Variants in KIAA1328 observed in about 807,000 individuals in gnomAD.
KIAA1328 encodes the protein KIAA1328, also known as protein hinderin.
In KIAA1328, 52 loss-of-function variants were observed where a neutral mutation model predicts 68.1. The ratio of observed to expected loss-of-function variants is 0.76; its 90% confidence interval spans 0.61 to 0.96. The LOEUF (loss-of-function observed/expected upper bound fraction) is 0.96, where lower values mean the gene tolerates loss of function less well. Ranked by LOEUF, KIAA1328 falls within the 40% of genes least tolerant of loss-of-function variation. KIAA1328 has a pLI of 0.00. For missense variants in KIAA1328, 641 were observed against 677.6 expected, an observed-to-expected ratio of 0.95 and a Z score of 0.60; for synonymous variants, 232 against 239.4, an observed-to-expected ratio of 0.97 and a Z score of 0.28.
At chr18:36,997,012 T>C in intron 6 of KIAA1328, among the ~76,000 whole-genome samples, 1 of 152,174 alleles carries the variant, frequency 6.6e-6, no homozygotes, top group Non-Finnish European at 1.5e-5. Flanking sequence ...GAAGCTACTG[T>C]GACGTTTCTG....
intron 7 of KIAA1328, among the ~76,000 whole-genome samples, chr18:37,130,352 G>A (rs1299833518): frequency 6.6e-6 from 1 of 152,164 alleles, no homozygotes; most frequent in Non-Finnish European, 1.5e-5. Context: ...GGGCACGGTG[G>A]CTCACGCCTG....
chr18:36,989,621 G>A (rs939862811), intron 6 of KIAA1328, among the ~76,000 whole-genome samples: 1 of 152,188 alleles, frequency 6.6e-6, no homozygotes, highest in Non-Finnish European at 1.5e-5. Context: ...TTTTAGTCGT[G>A]TGCCCATGAG....
At chr18:36,964,064 AG>A (rs1289260573) in intron 6 of KIAA1328, among the ~76,000 whole-genome samples, 1 of 152,236 alleles carries the variant, frequency 6.6e-6, no homozygotes, top group African/African-American at 2.4e-5. Flanking sequence ...TACAGCTAAC[AG>A]GTTGGCAAAG....
chr18:36,895,891 C>T, intron 5 of KIAA1328: 1 of 403,248 alleles, frequency 2.5e-6, no homozygotes, highest in Non-Finnish European at 5.0e-6. Context: ...TGTGTGAGGC[C>T]ACAGCAAGAA....
intron 8 of KIAA1328, among the ~76,000 whole-genome samples, chr18:37,164,679 G>T (rs1042860303): frequency 5.9e-5 from 9 of 152,200 alleles, no homozygotes; most frequent in Non-Finnish European, 1.5e-5. Context: ...CTGGGAGGCA[G>T]AGGTTTCAGT....
intron 6 of KIAA1328, among the ~76,000 whole-genome samples, chr18:36,988,531 A>G (rs1032847342): frequency 5.3e-5 from 8 of 152,214 alleles, no homozygotes; most frequent in African/African-American, 1.9e-4. Context: ...AGATTTTATA[A>G]GTGACCGTTT....
At chr18:37,123,772 C>T (rs1056292620) in intron 7 of KIAA1328, among the ~76,000 whole-genome samples, 1 of 151,980 alleles carries the variant, frequency 6.6e-6, no homozygotes, top group Non-Finnish European at 1.5e-5. Flanking sequence ...GTGGAACAAC[C>T]GTTTGTACAA....
chr18:36,886,404 G>C (rs930816512), intron 5 of KIAA1328: 1 of 152,120 alleles, frequency 6.6e-6, no homozygotes, highest in African/African-American at 2.4e-5. Flanking sequence ...TGTTTTTACT[G>C]TATAGATGTT....
At chr18:36,935,525 G>T (rs1360287095) in intron 5 of KIAA1328, among the ~76,000 whole-genome samples, 1 of 152,182 alleles carries the variant, frequency 6.6e-6, no homozygotes, top group Admixed American at 6.5e-5. Context: ...TATAGTTGAT[G>T]AGTGGGGATT....
intron 7 of KIAA1328, among the ~76,000 whole-genome samples, chr18:37,113,848 G>T (rs1055221226): frequency 1.3e-5 from 2 of 152,090 alleles, no homozygotes; most frequent in Non-Finnish European, 2.9e-5. Flanking sequence ...AAAAAAGCAG[G>T]TGTTGCAATC....
intron 6 of KIAA1328, among the ~76,000 whole-genome samples, chr18:37,053,372 C>T (rs988508590): frequency 3.0e-4 from 45 of 152,166 alleles, no homozygotes; most frequent in African/African-American, 1.0e-3. Flanking sequence ...ATACTTAAAA[C>T]TATAAAAATT....
chr18:37,079,661 G>T (rs1299383267), intron 7 of KIAA1328, among the ~76,000 whole-genome samples: 1 of 151,948 alleles, frequency 6.6e-6, no homozygotes. Flanking sequence ...GGCCGAGGTG[G>T]TGGATCACCT....
intron 9 of KIAA1328, among the ~76,000 whole-genome samples, chr18:37,184,931 A>C (rs2059765825): frequency 6.6e-6 from 1 of 152,096 alleles, no homozygotes; most frequent in African/African-American, 2.4e-5. Context: ...TGGGAGGCTG[A>C]GACGGGCGGA....
At chr18:36,926,234 A>G (rs1032405622) in intron 5 of KIAA1328, among the ~76,000 whole-genome samples, 6 of 152,222 alleles carry the variant, frequency 3.9e-5, no homozygotes, top group Admixed American at 6.5e-5. Flanking sequence ...TCTTATTTCT[A>G]CATACCTGGC....
intron 6 of KIAA1328, among the ~76,000 whole-genome samples, chr18:37,054,888 C>T (rs2055848652): frequency 6.6e-6 from 1 of 152,152 alleles, no homozygotes; most frequent in Non-Finnish European, 1.5e-5. Context: ...GCCAGAGGTA[C>T]ACATATCCTA....
intron 6 of KIAA1328, among the ~76,000 whole-genome samples, chr18:37,032,550 ATTTC>A (rs1391924920): frequency 6.6e-6 from 1 of 151,344 alleles, no homozygotes; most frequent in Non-Finnish European, 1.5e-5. Context: ...TTTTAAAGGA[ATTTC>A]TTTCTGACTT....
intron 4 of KIAA1328, among the ~76,000 whole-genome samples, chr18:36,864,777 C>A (rs1309066084): frequency 6.6e-6 from 1 of 151,854 alleles, no homozygotes; most frequent in Non-Finnish European, 1.5e-5. Context: ...GTTAAAAATT[C>A]AGTTTCTTTA....
intron 5 of KIAA1328, among the ~76,000 whole-genome samples, chr18:36,955,289 G>A (rs1330246169): frequency 6.7e-6 from 1 of 149,750 alleles, no homozygotes; most frequent in Non-Finnish European, 1.5e-5. Flanking sequence ...CACCACACCC[G>A]GCTAATTTTC....
intron 7 of KIAA1328, among the ~76,000 whole-genome samples, chr18:37,151,250 C>T (rs1407078383): frequency 6.6e-6 from 1 of 152,060 alleles, no homozygotes; most frequent in Non-Finnish European, 1.5e-5. Flanking sequence ...ATGATAACCA[C>T]AAAATACTGC....
Sources: allele counts gnomAD v4.1 joint callset (sites outside exome capture counted in the v4.1 genomes callset), GRCh38; gene constraint gnomAD v4.1.1; transcripts MANE v1.5; gene names NCBI Gene and HGNC (gene_info 2026-07-23, HGNC 2026-07-21).